DDHD1: variants seen among roughly 807,000 people sequenced by gnomAD.
DDHD1 encodes DDHD domain containing 1.
A neutral mutation model predicts 96.4 loss-of-function variants in DDHD1; 49 were observed. That is an observed-to-expected ratio of 0.51 (90% CI 0.40 to 0.64). The LOEUF (loss-of-function observed/expected upper bound fraction) is 0.64, where lower values mean the gene tolerates loss of function less well. DDHD1 is among the 30% of genes least tolerant of loss of function. The probability of loss-of-function intolerance (pLI) is 0.00; values close to 1 mark genes in which losing one functional copy is unlikely to be tolerated. For missense variants in DDHD1, 1,106 were observed against 1,161.2 expected (o/e 0.95, Z 0.69); for synonymous variants, 442 against 446.5 (o/e 0.99, Z 0.13).
chr14:53,126,058 G>C (rs1266823243), intron 1 of DDHD1, among the ~76,000 whole-genome samples: 3 of 152,200 alleles, frequency 2.0e-5, no homozygotes, highest in East Asian at 1.9e-4. Flanking sequence ...TGAAGATAGG[G>C]TCCAGAAATA....
At chr14:53,059,461 A>G (rs989114289) in intron 8 of DDHD1, among the ~76,000 whole-genome samples, 26 of 151,530 alleles carry the variant, frequency 1.7e-4, no homozygotes, top group Admixed American at 8.5e-4. Flanking sequence ...TAGTCAGGAT[A>G]GTCTCGATCT....
At chr14:53,105,985 T>C (rs1298140377) in intron 1 of DDHD1, among the ~76,000 whole-genome samples, 3 of 152,056 alleles carry the variant, frequency 2.0e-5, no homozygotes, top group African/African-American at 7.2e-5. Flanking sequence ...GTGGTGTGTG[T>C]GTATGTGTGT....
At chr14:53,056,008 C>A (rs1883023774) in intron 9 of DDHD1, 96 bp from the exon 10 acceptor site, 1 of 1,023,196 alleles carries the variant, frequency 9.8e-7, no homozygotes, top group East Asian at 2.5e-5. Context: ...GTTAAGTAAA[C>A]CTCCGAGAAG....
chr14:53,134,466 G>C (rs1020119456), intron 1 of DDHD1, among the ~76,000 whole-genome samples: 2 of 151,008 alleles, frequency 1.3e-5, no homozygotes, highest in African/African-American at 4.9e-5. Context: ...ACCTCTCCCC[G>C]GCTATCTCCA....
chr14:53,091,275 T>C (rs773724469), intron 4 of DDHD1, among the ~76,000 whole-genome samples: 3 of 152,188 alleles, frequency 2.0e-5, no homozygotes, highest in Non-Finnish European at 2.9e-5. Context: ...AAGCTGAATA[T>C]AAATAAACTA....
rs1290142771 is a variant in DDHD1, at chr14:53,042,856, T to A, written c.*3912A>T. 1.3e-5 allele frequency: 2 copies of A among 152,238 alleles called. No homozygotes were observed. Among genetic ancestry groups the A allele is most frequent in the Non-Finnish European group, 2.9e-5 (2 of 68,040 alleles). The allele number at this position is 152,238 out of a possible 1,614,324, so 9.4% of individuals were successfully genotyped here. A position where few individuals can be genotyped will look rare whatever the true frequency, so the allele number is the denominator to read the frequency against. ...TACGTTCTTTTTTGCTCTGCCTTGATCTTTAATATTTTACGTGTTTTTAGA... is the reference window on the plus strand; with the variant it reads ...TACGTTCTTTTTTGCTCTGCCTTGAACTTTAATATTTTACGTGTTTTTAGA... On this transcript the variant is annotated 3_prime_UTR_variant, in exon 13 of 13. Transcript: ENST00000673822.
chr14:53,053,644 G>C (rs1275491173), intron 11 of DDHD1: 1 of 152,048 alleles, frequency 6.6e-6, no homozygotes, highest in Non-Finnish European at 1.5e-5. Flanking sequence ...AATTTCTAGA[G>C]AAAGAAAAGT....
At chr14:53,084,148 G>GA (rs1885727431) in intron 4 of DDHD1, among the ~76,000 whole-genome samples, 2 of 151,830 alleles carry the variant, frequency 1.3e-5, no homozygotes, top group Admixed American at 1.3e-4. Flanking sequence ...GGGACTTTTG[G>GA]AAAAAAGGAC....
intron 10 of DDHD1, 77 bp downstream of exon 10, chr14:53,055,583 G>T: frequency 7.3e-7 from 1 of 1,362,384 alleles, no homozygotes; most frequent in Non-Finnish European, 1.0e-6. Flanking sequence ...CTAATACATA[G>T]AATACTTCTA....
At chr14:53,149,056 A>C (rs1891180487) in intron 1 of DDHD1, among the ~76,000 whole-genome samples, 1 of 152,234 alleles carries the variant, frequency 6.6e-6, no homozygotes, top group African/African-American at 2.4e-5. Flanking sequence ...ACATACAATA[A>C]AACAAAAATG....
At chr14:53,135,519 C>CT (rs1009408505) in intron 1 of DDHD1, among the ~76,000 whole-genome samples, 20 of 152,330 alleles carry the variant, frequency 1.3e-4, no homozygotes, top group African/African-American at 4.8e-4. Flanking sequence ...ACAAAGCCTG[C>CT]TGGCAGACTC....
chr14:53,135,155 T>C (rs997970562), intron 1 of DDHD1, among the ~76,000 whole-genome samples: 1 of 152,192 alleles, frequency 6.6e-6, no homozygotes, highest in Non-Finnish European at 1.5e-5. Context: ...TAAGCCATCA[T>C]ATCCCCTGTG....
intron 1 of DDHD1, among the ~76,000 whole-genome samples, chr14:53,131,108 G>A (rs1889832586): frequency 6.6e-6 from 1 of 152,096 alleles, no homozygotes; most frequent in Non-Finnish European, 1.5e-5. Flanking sequence ...ATTCCTTTAT[G>A]CACTCCTTTT....
chr14:53,061,466 A>G (rs1005355478), intron 7 of DDHD1: 3 of 326,322 alleles, frequency 9.2e-6, no homozygotes, highest in African/African-American at 2.1e-5. Flanking sequence ...ATATACAAGC[A>G]CATATACATC....
chr14:53,057,887 T>C (rs1480555856), intron 9 of DDHD1, among the ~76,000 whole-genome samples: 3 of 152,260 alleles, frequency 2.0e-5, no homozygotes, highest in Non-Finnish European at 2.9e-5. Context: ...TCTCGCTCTA[T>C]TGCCCAGGCT....
rs1373466781 is a variant in DDHD1, at chr14:53,038,189, G to C, written c.*8579C>G. 3 of 152,118 alleles carry C rather than the reference G, an allele frequency of 2.0e-5. No individual in the cohort carries two copies. Among genetic ancestry groups the C allele is most frequent in the African/African-American group, 7.2e-5 (3 of 41,432 alleles). The allele number at this position is 152,118 out of a possible 1,614,324, so 9.4% of individuals were successfully genotyped here. A position where few individuals can be genotyped will look rare whatever the true frequency, so the allele number is the denominator to read the frequency against. On this transcript the variant is annotated 3_prime_UTR_variant, in exon 13 of 13. Coordinates refer to ENST00000673822, the MANE Select transcript of DDHD1 (RefSeq NM_001160148.2). ...CATTCAACTTAGAGCAATCAGGCAA[G>C]AGAAATAAATAAAAGGCATCCAACT...
rs1193595893 is a variant in DDHD1, at chr14:53,045,603, T to G, written c.*1165A>C. 1 of 152,240 alleles carries G rather than the reference T, an allele frequency of 6.6e-6. No homozygotes were observed. The allele number at this position is 152,240 out of a possible 1,614,324, so 9.4% of individuals were successfully genotyped here. On this transcript the variant is annotated 3_prime_UTR_variant, in exon 13 of 13. Coordinates refer to ENST00000673822, the MANE Select transcript of DDHD1 (RefSeq NM_001160148.2). ...TTTGGTGCCTTGGTGTATTAACATG[T>G]AACATGAGAACAAGATTTATTTACT...
chr14:53,118,998 G>C (rs913715162), intron 1 of DDHD1, among the ~76,000 whole-genome samples: 3 of 152,136 alleles, frequency 2.0e-5, no homozygotes, highest in Non-Finnish European at 2.9e-5. Flanking sequence ...AAGAGAGTGG[G>C]GGCCAATATT....
intron 1 of DDHD1, among the ~76,000 whole-genome samples, chr14:53,116,101 A>G (rs1478176087): frequency 6.6e-6 from 1 of 152,166 alleles, no homozygotes; most frequent in Admixed American, 6.6e-5. Flanking sequence ...AACAGACTTT[A>G]CCAACAAGGA....
Sources: gnomAD v4.1 joint callset for allele counts (sites outside exome capture counted in the v4.1 genomes callset) on GRCh38, gnomAD v4.1.1 for gene constraint, MANE v1.5 for transcripts, NCBI Gene and HGNC (gene_info 2026-07-23, HGNC 2026-07-21) for gene names.